ASH1L: variants seen among roughly 807,000 people sequenced by gnomAD.
The protein encoded by ASH1L is histone-lysine N-methyltransferase ASH1L.
ASH1L carries 23 observed loss-of-function variants against 269.0 expected under a neutral mutation model. The ratio of observed to expected loss-of-function variants is 0.09; its 90% CI spans 0.06 to 0.12. ASH1L has a LOEUF of 0.12. Ranked by LOEUF, ASH1L falls within the 10% of genes least tolerant of loss-of-function variation. The probability of loss-of-function intolerance (pLI) is 1.00; values close to 1 mark genes in which losing one functional copy is unlikely to be tolerated. For synonymous variants in ASH1L, 1,187 were observed against 1,253.5 expected (o/e 0.95, Z 1.12); for missense variants, 2,912 against 3,567.8 (o/e 0.82, Z 4.68).
intron 1 of ASH1L, among the ~76,000 whole-genome samples, chr1:155,526,008 TTATTG>T (rs1172103675): frequency 6.6e-6 from 1 of 152,210 alleles, no homozygotes; most frequent in Non-Finnish European, 1.5e-5. Flanking sequence ...TAATTTTTTA[TTATTG>T]TATTGTTATT....
chr1:155,527,531 CTTTTTT>C (rs35475547), intron 1 of ASH1L, among the ~76,000 whole-genome samples: 3 of 110,818 alleles, frequency 2.7e-5, no homozygotes, highest in African/African-American at 7.0e-5. Context: ...TACGGGATAC[CTTTTTT>C]TTTTTTTTTT....
chr1:155,480,484 T>G lies in ASH1L; in HGVS notation c.2386A>C (p.Ser796Arg). 1 of 1,614,068 alleles carries G rather than the reference T, an allele frequency of 6.2e-7. No individual in the cohort carries two copies. ...TAPSLALLAD[S>R]EKPSHKSFAT... ...AAAGACTTATGAGATGGTTTTTCACTATCAGCTAAGAGAGCAAGAGATGGA... is the reference window on the plus strand; with the variant it reads ...AAAGACTTATGAGATGGTTTTTCACGATCAGCTAAGAGAGCAAGAGATGGA... The change falls in exon 3 of 28, where the codon AGT becomes CGT. Residue 796 changes from serine to arginine, a missense_variant. This residue lies in a region of ASH1L where 715 missense variants were observed against 721.0 expected (regional missense o/e 0.99). Transcript: ENST00000392403.
intron 4 of ASH1L, among the ~76,000 whole-genome samples, chr1:155,454,015 G>A (rs922419973): frequency 6.6e-6 from 1 of 152,170 alleles, no homozygotes; most frequent in Non-Finnish European, 1.5e-5. Flanking sequence ...TGAGGCAGGA[G>A]AATGGCATGA....
At chr1:155,513,571 C>CAAAAAAA (rs767517719) in intron 2 of ASH1L, among the ~76,000 whole-genome samples, 1 of 83,006 alleles carries the variant, frequency 1.2e-5, no homozygotes, top group African/African-American at 4.0e-5. Context: ...GATCCTGTAT[C>CAAAAAAA]AAAAAAAAAA....
At chr1:155,365,153 A>G (rs1053917222) in intron 12 of ASH1L, among the ~76,000 whole-genome samples, 3 of 151,936 alleles carry the variant, frequency 2.0e-5, no homozygotes, top group African/African-American at 7.2e-5. Flanking sequence ...GAGACCCACA[A>G]CCCAAAGGAA....
At chr1:155,531,441 C>G (rs2148867652) in intron 1 of ASH1L, among the ~76,000 whole-genome samples, 1 of 152,042 alleles carries the variant, frequency 6.6e-6, no homozygotes, top group South Asian at 2.1e-4. Flanking sequence ...ACTGCAACCT[C>G]CGCCTCCCGG....
At chr1:155,536,591 G>A (rs1670072935) in intron 1 of ASH1L, among the ~76,000 whole-genome samples, 1 of 152,106 alleles carries the variant, frequency 6.6e-6, no homozygotes, top group Non-Finnish European at 1.5e-5. Flanking sequence ...TCTGTCAAAA[G>A]TAGAACCCAT....
chr1:155,439,604 T>C (rs927321319), intron 4 of ASH1L, among the ~76,000 whole-genome samples: 2 of 152,074 alleles, frequency 1.3e-5, no homozygotes, highest in East Asian at 1.9e-4. Flanking sequence ...TGAGGCTAAG[T>C]TGGGAAGACT....
At chr1:155,492,015 G>A (rs1291346755) in intron 2 of ASH1L, among the ~76,000 whole-genome samples, 1 of 148,176 alleles carries the variant, frequency 6.7e-6, no homozygotes, top group Non-Finnish European at 1.5e-5. Context: ...AGCCTAAGGT[G>A]GAATATAGTT....
At chr1:155,473,019 T>C (rs1665225259) in intron 3 of ASH1L, among the ~76,000 whole-genome samples, 1 of 152,234 alleles carries the variant, frequency 6.6e-6, no homozygotes, top group Non-Finnish European at 1.5e-5. Context: ...GTTTTGTTAT[T>C]GTATGTGTTT....
intron 13 of ASH1L, among the ~76,000 whole-genome samples, chr1:155,358,495 C>G (rs1210375964): frequency 6.6e-6 from 1 of 151,826 alleles, no homozygotes; most frequent in African/African-American, 2.4e-5. Context: ...ACCATCCTGG[C>G]TAACATGGTA....
intron 5 of ASH1L, among the ~76,000 whole-genome samples, chr1:155,435,728 T>C (rs1662033443): frequency 6.6e-6 from 1 of 151,838 alleles, no homozygotes; most frequent in East Asian, 1.9e-4. Flanking sequence ...CATTTATAAA[T>C]GATGAACATT....
chr1:155,359,678 C>G (rs542764594), intron 13 of ASH1L, among the ~76,000 whole-genome samples: 46 of 152,210 alleles, frequency 3.0e-4, no homozygotes, highest in African/African-American at 1.1e-3. Context: ...CGGGCTCAAG[C>G]AATCTTCCCA....
chr1:155,482,118 T>C lies in ASH1L; in HGVS notation c.752A>G (p.Lys251Arg), dbSNP rs767158282. Residue 251 changes from lysine (K) to arginine (R), a missense_variant, in exon 3 of 28, where the codon AAG becomes AGG. This residue lies in a region of ASH1L where 277 missense variants were observed against 367.7 expected (regional missense o/e 0.75). Transcript: ENST00000392403. Reference sequence around the variant, plus strand: ...AACACCTGCTTTCCTGATCAAATCCTTGCTAACCAATCCTGCTGTAGTGCC... The same window carrying C: ...AACACCTGCTTTCCTGATCAAATCCCTGCTAACCAATCCTGCTGTAGTGCC... Reference protein sequence around the residue: ...GTGTTAGLVSKDLIRKAGVGS... With the variant: ...GTGTTAGLVSRDLIRKAGVGS... 6.2e-7 allele frequency: 1 copy of C among 1,614,192 alleles called. No homozygotes were observed. Among genetic ancestry groups the C allele is most frequent in the Non-Finnish European group, 8.5e-7 (1 of 1,180,000 alleles).
chr1:155,402,576 G>A (rs1658942663), intron 6 of ASH1L, among the ~76,000 whole-genome samples: 1 of 152,050 alleles, frequency 6.6e-6, no homozygotes, highest in Non-Finnish European at 1.5e-5. Context: ...TAAAGACAGG[G>A]CCTTGTTCTG....
At chr1:155,361,905 T>C (rs1322712081) in intron 12 of ASH1L, among the ~76,000 whole-genome samples, 1 of 151,872 alleles carries the variant, frequency 6.6e-6, no homozygotes, top group Non-Finnish European at 1.5e-5. Context: ...CTTAGTTCAC[T>C]TATTAAATGA....
chr1:155,392,511 G>C (rs1415396219), intron 7 of ASH1L, among the ~76,000 whole-genome samples: 1 of 151,620 alleles, frequency 6.6e-6, no homozygotes, highest in Non-Finnish European at 1.5e-5. Context: ...TTATTTTTTT[G>C]AGAGTCTTGC....
At chr1:155,406,150 G>A (rs1659269610) in intron 6 of ASH1L, among the ~76,000 whole-genome samples, 2 of 148,310 alleles carry the variant, frequency 1.3e-5, no homozygotes, top group African/African-American at 5.0e-5. Flanking sequence ...GTTGCAGTGA[G>A]CTAAGATGGT....
chr1:155,416,082 C>G (rs1660184982), intron 5 of ASH1L, among the ~76,000 whole-genome samples, 159 bp from the exon 6 acceptor site: 1 of 151,024 alleles, frequency 6.6e-6, no homozygotes, highest in East Asian at 1.9e-4. Context: ...CTTCTCCTGA[C>G]AAGAAGTAAT....
Sources: gnomAD v4.1 joint callset for allele counts (sites outside exome capture counted in the v4.1 genomes callset) on GRCh38, gnomAD v4.1.1 for gene constraint, gnomAD v4.1.1 regional missense constraint, MANE v1.5 for transcripts, NCBI Gene and HGNC (gene_info 2026-07-23, HGNC 2026-07-21) for gene names.